The following RAB3IP variants were observed in gnomAD, a reference collection of about 807,000 sequenced individuals.
RAB3IP encodes the protein RAB3A interacting protein, also known as rab-3A-interacting protein.
RAB3IP carries 36 observed loss-of-function variants against 59.1 expected under a neutral mutation model. That is an observed-to-expected ratio of 0.61 (90% CI 0.47 to 0.80). The LOEUF (loss-of-function observed/expected upper bound fraction) is 0.80. Ranked by LOEUF, RAB3IP falls within the 30% of genes least tolerant of loss-of-function variation. The probability of loss-of-function intolerance (pLI) is 0.00; values close to 1 mark genes in which losing one functional copy is unlikely to be tolerated. For synonymous variants in RAB3IP, 207 were observed against 191.2 expected, an observed-to-expected ratio of 1.08 and a Z score of -0.68; for missense variants, 511 against 536.0, an observed-to-expected ratio of 0.95 and a Z score of 0.46.
At chr12:69,793,789 T>C (rs1877017388) in intron 4 of RAB3IP, among the ~76,000 whole-genome samples, 1 of 152,186 alleles carries the variant, frequency 6.6e-6, no homozygotes, top group African/African-American at 2.4e-5. Context: ...TCTGGAGCAG[T>C]ACCTCACAAG....
intron 4 of RAB3IP, among the ~76,000 whole-genome samples, chr12:69,790,012 C>G (rs771727504): frequency 6.6e-6 from 1 of 152,082 alleles, no homozygotes; most frequent in African/African-American, 2.4e-5. Context: ...CCTCTAAGAT[C>G]TGGTATAAGA....
intron 8 of RAB3IP, among the ~76,000 whole-genome samples, chr12:69,808,130 G>C (rs1305861382): frequency 1.3e-5 from 2 of 152,198 alleles, no homozygotes; most frequent in Admixed American, 1.3e-4. Context: ...CTTTATTTCT[G>C]CCTTCATTTT....
chr12:69,744,030 G>T (rs1887602063), intron 1 of RAB3IP, among the ~76,000 whole-genome samples: 1 of 152,090 alleles, frequency 6.6e-6, no homozygotes, highest in South Asian at 2.1e-4. Context: ...TACATGTGCA[G>T]AATGTGCAGG....
chr12:69,765,501 A>G (rs1669998908), intron 3 of RAB3IP, among the ~76,000 whole-genome samples: 1 of 152,306 alleles, frequency 6.6e-6, no homozygotes, highest in South Asian at 2.1e-4. Flanking sequence ...CTTGATCATA[A>G]TGAATTAACT....
intron 1 of RAB3IP, among the ~76,000 whole-genome samples, chr12:69,740,079 T>C (rs1443726286): frequency 6.6e-6 from 1 of 152,176 alleles, no homozygotes; most frequent in Non-Finnish European, 1.5e-5. Context: ...CATAAGAGGA[T>C]TACAACAAAA....
At chr12:69,782,944 A>G (rs760380460) in intron 3 of RAB3IP, among the ~76,000 whole-genome samples, 3 of 152,192 alleles carry the variant, frequency 2.0e-5, no homozygotes, top group Non-Finnish European at 4.4e-5. Context: ...TTGGCTGGCT[A>G]TAAAATACTC....
intron 6 of RAB3IP, among the ~76,000 whole-genome samples, 177 bp from the exon 7 acceptor site, chr12:69,800,032 G>A (rs914236408): frequency 2.7e-4 from 9 of 33,252 alleles, no homozygotes; most frequent in African/African-American, 5.9e-4. Flanking sequence ...TTATTTGAGA[G>A]TATTTTTTAA....
intron 4 of RAB3IP, among the ~76,000 whole-genome samples, chr12:69,793,346 A>G (rs1222678194): frequency 6.6e-6 from 1 of 152,208 alleles, no homozygotes; most frequent in Non-Finnish European, 1.5e-5. Context: ...CAAACGGGAA[A>G]CAAACAGTCA....
intron 1 of RAB3IP, among the ~76,000 whole-genome samples, chr12:69,745,809 C>T (rs756337409): frequency 5.9e-5 from 9 of 152,140 alleles, no homozygotes; most frequent in Non-Finnish European, 1.2e-4. Context: ...CCTTTATTCC[C>T]ATCTCCCTAC....
rs548752909 is a variant in RAB3IP, at chr12:69,745,140, A to G, written c.-26+6109A>G. On this transcript the variant is annotated intron_variant, in intron 1 of 10. Coordinates refer to ENST00000247833, the MANE Select transcript of RAB3IP (RefSeq NM_022456.5). Reference sequence around the variant, plus strand: ...AACAGTGATCAGTCCTCATCCATCCACTTCTCCCACTTCTATATTATTTTG... The same window carrying G: ...AACAGTGATCAGTCCTCATCCATCCGCTTCTCCCACTTCTATATTATTTTG... Among the ~76,000 whole-genome samples, 612 of 152,230 alleles carry G rather than the reference A, an allele frequency of 4.0e-3. 5 individuals carry two copies. Among genetic ancestry groups the G allele is most frequent in the African/African-American group, 0.014 (595 of 41,548 alleles).
At chr12:69,745,959 T>TA (rs1209092668) in intron 1 of RAB3IP, among the ~76,000 whole-genome samples, 3 of 152,014 alleles carry the variant, frequency 2.0e-5, no homozygotes, top group African/African-American at 7.2e-5. Flanking sequence ...CTCTTTTTTT[T>TA]ATATATCTGT....
intron 4 of RAB3IP, among the ~76,000 whole-genome samples, chr12:69,792,694 C>CT (rs1157173602): frequency 6.6e-6 from 1 of 152,186 alleles, no homozygotes; most frequent in East Asian, 1.9e-4. Flanking sequence ...TAGTGCTCAT[C>CT]TTTCCTTTTG....
chr12:69,779,245 G>A (rs1336288707), intron 3 of RAB3IP: 3 of 142,544 alleles, frequency 2.1e-5, no homozygotes, highest in Non-Finnish European at 4.6e-5. Context: ...CGCTTCCCAG[G>A]TGAGGCAATG....
At chr12:69,800,424 CTT>C in intron 7 of RAB3IP, 87 bp downstream of exon 7, 2 of 748,242 alleles carry the variant, frequency 2.7e-6, no homozygotes, top group Non-Finnish European at 3.9e-6. Context: ...TTTAATATCT[CTT>C]ACATAAATAA....
In RAB3IP at chr12:69,815,276, A is replaced by G. The variant is rs1372298981; in HGVS notation, c.1301-88A>G. The G allele has an allele frequency of 3.2e-6, 3 of 925,242 alleles. No individual in the cohort carries two copies. In the East Asian group the frequency reaches 7.7e-5, roughly 24 times the overall value. The allele number at this position is 925,242 out of a possible 1,614,324, so 57.3% of individuals were successfully genotyped here. A position where few individuals can be genotyped will look rare whatever the true frequency, so the allele number is the denominator to read the frequency against. On this transcript the variant is annotated intron_variant, in intron 10 of 10. Coordinates refer to ENST00000247833, the MANE Select transcript of RAB3IP (RefSeq NM_022456.5). ...TACATCTTTAGGAAATGCACAATTG[A>G]CATTTCAGCTAAGGTTTTCAGCGAA...
Position 69,800,353 on chromosome 12 carries a change from TTTA to T in RAB3IP, c.1017+17_1017+19del. 1.4e-6 allele frequency: 2 copies of T among 1,481,282 alleles called. No individual in the cohort carries two copies. The highest frequency in any genetic ancestry group is 1.8e-6 in the Non-Finnish European group (2 of 1,086,164). The allele number at this position is 1,481,282 out of a possible 1,614,324, so 91.8% of individuals were successfully genotyped here. The stretch of plus-strand genomic sequence containing the variant: ...AAAAAGTGAGGTAATTTTTTTTCAT[TTTA>T]GTAGGAATTCATTATAGTTGTTTCT... On this transcript the variant is annotated intron_variant, in intron 7 of 10. Coordinates refer to ENST00000247833, the MANE Select transcript of RAB3IP (RefSeq NM_022456.5).
chr12:69,807,827 G>C (rs1879705066), intron 8 of RAB3IP, among the ~76,000 whole-genome samples: 1 of 146,760 alleles, frequency 6.8e-6, no homozygotes, highest in South Asian at 2.2e-4. Context: ...TCACCTCCCA[G>C]ACGGGGCGGC....
At chr12:69,785,926 C>T (rs1875568549) in intron 4 of RAB3IP, among the ~76,000 whole-genome samples, 1 of 152,110 alleles carries the variant, frequency 6.6e-6, no homozygotes, top group African/African-American at 2.4e-5. Flanking sequence ...TGTAAAGTGT[C>T]TCCTTTGGGT....
intron 8 of RAB3IP, among the ~76,000 whole-genome samples, chr12:69,802,880 C>T (rs1878614084): frequency 6.6e-6 from 1 of 152,198 alleles, no homozygotes; most frequent in Non-Finnish European, 1.5e-5. Context: ...GTCCACCTCG[C>T]TCCCTCAAGC....
Sources: gnomAD v4.1 joint callset for allele counts (sites outside exome capture counted in the v4.1 genomes callset) on GRCh38, gnomAD v4.1.1 for gene constraint, MANE v1.5 for transcripts, NCBI Gene and HGNC (gene_info 2026-07-23, HGNC 2026-07-21) for gene names.